The following AK8 variants were observed in gnomAD, a reference collection of about 807,000 sequenced individuals.
AK8 encodes adenylate kinase 8.
In AK8, 44 loss-of-function variants were observed where a neutral mutation model predicts 54.6. That is an observed-to-expected ratio of 0.81 (90% confidence interval 0.63 to 1.04). The LOEUF is 1.04. AK8 is among the 50% of genes least tolerant of loss of function. AK8 has a pLI of 0.00. For synonymous variants in AK8, 239 were observed against 245.6 expected (o/e 0.97, Z 0.25); for missense variants, 555 against 613.6 (o/e 0.90, Z 1.01).
At chr9:132,743,775 G>A (rs1465889115) in intron 11 of AK8, among the ~76,000 whole-genome samples, 1 of 152,150 alleles carries the variant, frequency 6.6e-6, no homozygotes, top group African/African-American at 2.4e-5. Flanking sequence ...TTTAATCCTC[G>A]TGAGAAGTAC....
intron 5 of AK8, among the ~76,000 whole-genome samples, chr9:132,842,012 T>C (rs1842564511): frequency 1.3e-5 from 2 of 151,988 alleles, no homozygotes; most frequent in African/African-American, 4.8e-5. Flanking sequence ...CAAGGCCAAA[T>C]GGGAAACTTG....
rs534028609 is a variant in AK8, at chr9:132,833,456, T to C, written c.403-4730A>G. On this transcript the variant is annotated intron_variant, in intron 5 of 12. Coordinates refer to ENST00000298545, the MANE Select transcript of AK8 (RefSeq NM_152572.3). ...GGCTGGATGTGGAGGTATCAGTCAA[T>C]CCCTAATTAGAATACATTATCCATC... Among the ~76,000 whole-genome samples, 19 of 152,244 alleles carry C rather than the reference T, an allele frequency of 1.2e-4. 1 individual carries two copies. In the South Asian group the frequency reaches 3.9e-3, roughly 32 times the overall value.
intron 5 of AK8, among the ~76,000 whole-genome samples, chr9:132,841,235 C>A (rs1842530232): frequency 6.6e-6 from 1 of 152,216 alleles, no homozygotes; most frequent in Non-Finnish European, 1.5e-5. Context: ...TCCCTCGCTG[C>A]TGTCTGCCAG....
In AK8 at chr9:132,790,834, G is replaced by A. The variant is rs1839915971; in HGVS notation, c.1121+1800C>T. ...AAACAGTAAGAGGGTTTGAGAAGGT[G>A]GCTGGGGTATAAAATAAGTAAGCCA... On this transcript the variant is annotated intron_variant, in intron 11 of 12. Transcript: ENST00000298545. The surrounding 1 kb of genome is among the most constrained non-coding windows in gnomAD (Gnocchi z 4.1). Among the ~76,000 whole-genome samples the A allele has an allele frequency of 6.6e-6, 1 of 152,152 alleles. No individual in the cohort carries two copies. Among genetic ancestry groups the A allele is most frequent in the Non-Finnish European group, 1.5e-5 (1 of 68,032 alleles).
intron 11 of AK8, among the ~76,000 whole-genome samples, chr9:132,743,754 G>A (rs533389394): frequency 3.9e-5 from 6 of 152,120 alleles, no homozygotes; most frequent in Non-Finnish European, 7.3e-5. Flanking sequence ...TTACATGCAC[G>A]TGCTATCTTA....
At chr9:132,740,781 C>T (rs986454969) in intron 11 of AK8, among the ~76,000 whole-genome samples, 1 of 152,214 alleles carries the variant, frequency 6.6e-6, no homozygotes, top group African/African-American at 2.4e-5. Context: ...CCCACCCAGG[C>T]CTTGGAAAGT....
intron 5 of AK8, among the ~76,000 whole-genome samples, chr9:132,840,971 G>T (rs1465696266): frequency 6.6e-6 from 1 of 152,108 alleles, no homozygotes; most frequent in African/African-American, 2.4e-5. Flanking sequence ...ACTCATAAGG[G>T]ATCCTCAAAT....
upstream of AK8, chr9:132,878,431 G>C (rs1844260012): frequency 8.1e-7 from 1 of 1,231,754 alleles, no homozygotes; most frequent in Admixed American, 4.3e-5. The surrounding 1 kb of genome is among the most constrained non-coding windows in gnomAD (Gnocchi z 4.7). Flanking sequence ...GCGCTCTGCG[G>C]CTCGGGCAAG....
rs1554785084 is a variant in AK8, at chr9:132,751,398, A to AAC, written c.1122-23865_1122-23864insGT. ...GACTCCAAAAAAAAAAAAAAAAAAC[A>AAC]AAAAAAACCAACTTCTGGGTTTTGC... On this transcript the variant is annotated intron_variant, in intron 11 of 12. Coordinates refer to ENST00000298545, the MANE Select transcript of AK8 (RefSeq NM_152572.3). Among the ~76,000 whole-genome samples, 92 of 147,288 alleles carry AAC rather than the reference A, an allele frequency of 6.2e-4. 2 individuals carry two copies. The highest frequency in any genetic ancestry group is 2.2e-3 in the African/African-American group (87 of 39,372).
chr9:132,866,794 A>G, intron 3 of AK8, 110 bp downstream of exon 3: 2 of 1,069,314 alleles, frequency 1.9e-6, no homozygotes, highest in Non-Finnish European at 2.8e-6. Flanking sequence ...GGAGAAGGAA[A>G]AGAAGAAAAG....
At chr9:132,807,194 G>C (rs112558194) in intron 10 of AK8, among the ~76,000 whole-genome samples, 2 of 152,174 alleles carry the variant, frequency 1.3e-5, no homozygotes, top group Non-Finnish European at 1.5e-5. Context: ...ATGCTGGGGG[G>C]GGCGGGGCCA....
At chr9:132,825,058 C>G (rs1457208180) in intron 8 of AK8, among the ~76,000 whole-genome samples, 24 of 152,186 alleles carry the variant, frequency 1.6e-4, no homozygotes, top group Admixed American at 1.6e-3. Flanking sequence ...TCAGGCGAGG[C>G]TCTCTTTATT....
At chr9:132,841,603 T>C (rs1842549811) in intron 5 of AK8, among the ~76,000 whole-genome samples, 1 of 152,190 alleles carries the variant, frequency 6.6e-6, no homozygotes, top group South Asian at 2.1e-4. Flanking sequence ...CAGGAGCCTC[T>C]GCGTGGTGGC....
At chr9:132,772,100 C>T (rs908744618) in intron 11 of AK8, among the ~76,000 whole-genome samples, 1 of 152,294 alleles carries the variant, frequency 6.6e-6, no homozygotes, top group East Asian at 1.9e-4. Context: ...TCCCACAACA[C>T]GTGGGAATTC....
At chr9:132,850,988 A>T (rs1439007825) in intron 5 of AK8, among the ~76,000 whole-genome samples, 1 of 152,108 alleles carries the variant, frequency 6.6e-6, no homozygotes, top group Non-Finnish European at 1.5e-5. Flanking sequence ...AAGTAGCTGT[A>T]ATACATTCAT....
intron 3 of AK8, among the ~76,000 whole-genome samples, chr9:132,865,276 A>G (rs1843541560): frequency 6.6e-6 from 1 of 152,234 alleles, no homozygotes; most frequent in African/African-American, 2.4e-5. Flanking sequence ...TAGAACAGCT[A>G]TGCTAACTCC....
intron 8 of AK8, among the ~76,000 whole-genome samples, chr9:132,823,876 G>A (rs914563931): frequency 1.1e-4 from 16 of 152,344 alleles, no homozygotes; most frequent in African/African-American, 3.8e-4. Context: ...TAAAGGACTC[G>A]AATTGGAGAG....
chr9:132,862,773 C>A (rs889399568), intron 4 of AK8, among the ~76,000 whole-genome samples: 1 of 152,168 alleles, frequency 6.6e-6, no homozygotes, highest in Non-Finnish European at 1.5e-5. Flanking sequence ...CTAGCTAGCC[C>A]GGGCAGATCC....
chr9:132,804,861 G>A (rs1310312712), intron 10 of AK8, among the ~76,000 whole-genome samples: 1 of 152,160 alleles, frequency 6.6e-6, no homozygotes, highest in Non-Finnish European at 1.5e-5. Context: ...GAGGGTCACT[G>A]GGGCCACCTC....
Sources: gnomAD v4.1 joint callset for allele counts (sites outside exome capture counted in the v4.1 genomes callset) on GRCh38, gnomAD v4.1.1 for gene constraint, Gnocchi (gnomAD v3.1) non-coding constraint, MANE v1.5 for transcripts, NCBI Gene and HGNC (gene_info 2026-07-23, HGNC 2026-07-21) for gene names.